GFRA2: variants seen among roughly 807,000 people sequenced by gnomAD.
GFRA2 encodes GDNF family receptor alpha 2, also known as GDNF family receptor alpha-2.
A neutral mutation model predicts 48.3 loss-of-function variants in GFRA2; 17 were observed. The ratio of observed to expected loss-of-function variants is 0.35; its 90% CI spans 0.24 to 0.53. GFRA2 has a LOEUF of 0.53. GFRA2 is among the 20% of genes least tolerant of loss of function. The pLI is 0.93. For synonymous variants in GFRA2, 305 were observed against 257.2 expected (o/e 1.19, Z -1.78); for missense variants, 660 against 637.3 (o/e 1.04, Z -0.38).
chr8:21,697,059 A>AG (rs1585220641), intron 7 of GFRA2, among the ~76,000 whole-genome samples: 4 of 4,882 alleles, frequency 8.2e-4, no homozygotes, highest in African/African-American at 1.7e-3. Flanking sequence ...GAGGAGAGGG[A>AG]AGGGGACCGA....
chr8:21,783,747 C>A (rs1030602548), intron 1 of GFRA2, among the ~76,000 whole-genome samples: 9 of 151,952 alleles, frequency 5.9e-5, no homozygotes, highest in Non-Finnish European at 1.3e-4. Context: ...TTTTGGCAAG[C>A]CTGGGGAGCA....
chr8:21,768,370 C>T (rs940608967), intron 3 of GFRA2, among the ~76,000 whole-genome samples: 1 of 152,226 alleles, frequency 6.6e-6, no homozygotes, highest in African/African-American at 2.4e-5. Flanking sequence ...ATGAAGGGGG[C>T]AGGGAGAGCT....
At chr8:21,707,541 T>G (rs1411173190) in intron 4 of GFRA2, among the ~76,000 whole-genome samples, 1 of 152,176 alleles carries the variant, frequency 6.6e-6, no homozygotes, top group African/African-American at 2.4e-5. Flanking sequence ...GGGATGGTTC[T>G]GAGAGGAGGA....
intron 3 of GFRA2, among the ~76,000 whole-genome samples, chr8:21,753,401 A>G (rs779313104): frequency 2.6e-5 from 4 of 152,266 alleles, no homozygotes; most frequent in Non-Finnish European, 4.4e-5. Flanking sequence ...TGAGGTCAGG[A>G]GTTCGAGGCC....
chr8:21,791,544 A>G (rs1807574267), upstream of GFRA2, among the ~76,000 whole-genome samples: 1 of 151,972 alleles, frequency 6.6e-6, no homozygotes, highest in Non-Finnish European at 1.5e-5. Context: ...CATGAGGAAG[A>G]CCCCCTGCCT....
chr8:21,758,360 TAG>T, intron 3 of GFRA2, among the ~76,000 whole-genome samples: 1 of 152,260 alleles, frequency 6.6e-6, no homozygotes, highest in Middle Eastern at 3.4e-3. Context: ...ATCTTCAAGG[TAG>T]ACTTTCCAAT....
chr8:21,697,895 CT>C (rs1802288602), intron 7 of GFRA2, among the ~76,000 whole-genome samples: 1 of 152,196 alleles, frequency 6.6e-6, no homozygotes, highest in Non-Finnish European at 1.5e-5. Context: ...TGCTCTTCAT[CT>C]TCTGCCATGA....
At chr8:21,710,651 C>T (rs111279685) in intron 4 of GFRA2, among the ~76,000 whole-genome samples, 5,983 of 152,238 alleles carry the variant, frequency 0.039, 354 homozygotes, top group African/African-American at 0.13. Context: ...GACAAGAGCA[C>T]CCCCTCACTC....
chr8:21,711,822 C>T (rs577143771), intron 4 of GFRA2, among the ~76,000 whole-genome samples: 58 of 151,928 alleles, frequency 3.8e-4, no homozygotes, highest in Non-Finnish European at 7.5e-4. Flanking sequence ...GGCAGAGGAC[C>T]CTGCGGCCTT....
rs368719398 is a variant in GFRA2, at chr8:21,784,490, T to G, written c.41-1591A>C. ...TCTCAGGCCATCCCCCGGGAGGCCC[T>G]GCTCAGGGGAGCGCTACCGCAGGGA... On this transcript the variant is annotated intron_variant, in intron 1 of 8. Transcript: ENST00000524240. Among the ~76,000 whole-genome samples the G allele has an allele frequency of 9.7e-3, 1,482 of 152,298 alleles. 18 individuals carry two copies. The highest frequency in any genetic ancestry group is 0.033 in the African/African-American group (1,380 of 41,566).
chr8:21,752,340 A>G (rs73537608), intron 3 of GFRA2, among the ~76,000 whole-genome samples: 17,212 of 151,906 alleles, frequency 0.11, 3,031 homozygotes, highest in African/African-American at 0.38. Flanking sequence ...GTTTGGCCCC[A>G]CCTGTCTGAT....
chr8:21,733,430 T>G (rs909655762), intron 4 of GFRA2, among the ~76,000 whole-genome samples: 1 of 152,128 alleles, frequency 6.6e-6, no homozygotes, highest in Non-Finnish European at 1.5e-5. Context: ...AGCATCGGCT[T>G]AGAATGAAAG....
intron 3 of GFRA2, among the ~76,000 whole-genome samples, chr8:21,762,018 C>A (rs1212125859): frequency 6.6e-6 from 1 of 152,182 alleles, no homozygotes; most frequent in Non-Finnish European, 1.5e-5. Flanking sequence ...TCTCACCTCT[C>A]TGGCTACCTT....
intron 4 of GFRA2, among the ~76,000 whole-genome samples, chr8:21,742,163 T>C (rs1804779064): frequency 1.3e-5 from 2 of 152,068 alleles, no homozygotes; most frequent in African/African-American, 4.8e-5. Flanking sequence ...AATGTAGTGT[T>C]TGTGTCTCCC....
At chr8:21,722,576 A>G (rs948532084) in intron 4 of GFRA2, among the ~76,000 whole-genome samples, 5 of 152,168 alleles carry the variant, frequency 3.3e-5, no homozygotes, top group Admixed American at 3.3e-4. Context: ...AGGAGAGAAC[A>G]TGGGCCCTTG....
chr8:21,769,133 A>G, intron 3 of GFRA2: 2 of 977,380 alleles, frequency 2.0e-6, no homozygotes, highest in Non-Finnish European at 2.4e-6. Context: ...TGCACCACAC[A>G]GTGAGGACAC....
At chr8:21,720,985 G>A (rs1803564809) in intron 4 of GFRA2, among the ~76,000 whole-genome samples, 1 of 128,422 alleles carries the variant, frequency 7.8e-6, no homozygotes, top group African/African-American at 2.8e-5. Flanking sequence ...GGGAGGAAGA[G>A]AATTAGTAAG....
At chr8:21,755,940 T>G (rs758625605) in intron 3 of GFRA2, among the ~76,000 whole-genome samples, 1 of 152,154 alleles carries the variant, frequency 6.6e-6, no homozygotes, top group African/African-American at 2.4e-5. Context: ...AGGGCTATTG[T>G]GGGGACACTG....
intron 3 of GFRA2, among the ~76,000 whole-genome samples, chr8:21,757,154 C>G (rs533941873): frequency 2.5e-4 from 38 of 152,178 alleles, no homozygotes; most frequent in Non-Finnish European, 5.0e-4. Context: ...GGAGCACAGC[C>G]AGCAGCAGAG....
Sources: gnomAD v4.1 joint callset for allele counts (sites outside exome capture counted in the v4.1 genomes callset) on GRCh38, gnomAD v4.1.1 for gene constraint, MANE v1.5 for transcripts, NCBI Gene and HGNC (gene_info 2026-07-23, HGNC 2026-07-21) for gene names.